Variants in PSEN1 observed in about 807,000 individuals in gnomAD.
The protein encoded by PSEN1 is presenilin 1, also known as presenilin-1.
PSEN1 carries 15 observed loss-of-function variants against 53.5 expected under a neutral mutation model. That is an observed-to-expected ratio of 0.28 (90% CI 0.19 to 0.43). The LOEUF (loss-of-function observed/expected upper bound fraction) is 0.43, where lower values mean the gene tolerates loss of function less well. Ranked by LOEUF, PSEN1 falls within the 20% of genes least tolerant of loss-of-function variation. The pLI is 1.00. For synonymous variants in PSEN1, 208 were observed against 209.8 expected (o/e 0.99, Z 0.08); for missense variants, 387 against 571.2 (o/e 0.68, Z 3.29).
intron 7 of PSEN1, 152 bp from the exon 8 acceptor site, chr14:73,197,879 T>A: frequency 1.2e-5 from 7 of 588,084 alleles, no homozygotes; most frequent in East Asian, 6.0e-5. Context: ...CCAGTTCACC[T>A]GCCATTTATT....
chr14:73,183,555 C>T (rs1369591236), intron 5 of PSEN1, among the ~76,000 whole-genome samples: 3 of 152,190 alleles, frequency 2.0e-5, no homozygotes, highest in African/African-American at 7.2e-5. Context: ...TTGCACCGCC[C>T]TTAATCCATT....
At chr14:73,214,044 A>T (rs146711194) in intron 10 of PSEN1, among the ~76,000 whole-genome samples, 7 of 152,340 alleles carry the variant, frequency 4.6e-5, no homozygotes, top group Admixed American at 3.9e-4. Context: ...GGTCATAGTA[A>T]TATTGTTCAT....
chr14:73,177,018 C>T (rs1898065951), intron 5 of PSEN1, among the ~76,000 whole-genome samples: 1 of 151,814 alleles, frequency 6.6e-6, no homozygotes, highest in Non-Finnish European at 1.5e-5. Context: ...CTAATTTTTT[C>T]TGGACCTTAT....
At position 73,139,874 on chromosome 14, in the gene PSEN1, A is replaced by G. The variant is rs188903613; in HGVS notation, c.-136+3291A>G. On this transcript the variant is annotated intron_variant, in intron 1 of 11. Transcript: ENST00000324501. ...TGAGAGTGAGGAAAAAGGTATTAGT[A>G]TTGGCTTTTCACAACGCCTTGTACG... Among the ~76,000 whole-genome samples, 17 of 152,360 alleles carry G rather than the reference A, an allele frequency of 1.1e-4. No homozygotes were observed. The East Asian group carries it at 3.1e-3, about 28-fold the overall frequency.
chr14:73,212,088 CTTTTTTTTTTTTTTTTTTTTTTT>C (rs398043836), intron 10 of PSEN1, 146 bp downstream of exon 10: 1,144 of 70,508 alleles, frequency 0.016, 18 homozygotes, highest in Admixed American at 0.09. Context: ...AGTAATAGTG[CTTTTTTTTTTTTTTTTTTTTTTT>C]TTTTTTTTTT....
chr14:73,212,283 G>C (rs1013785422), intron 10 of PSEN1, among the ~76,000 whole-genome samples: 5 of 151,170 alleles, frequency 3.3e-5, no homozygotes, highest in Non-Finnish European at 5.9e-5. Context: ...GATAATTTTT[G>C]TATTTTTAGT....
intron 5 of PSEN1, among the ~76,000 whole-genome samples, chr14:73,185,536 A>G (rs552354541): frequency 0.023 from 3,471 of 152,268 alleles, 137 homozygotes; most frequent in African/African-American, 0.076. Context: ...GTGAGCCGAG[A>G]TGGCAGCAGT....
intron 3 of PSEN1, among the ~76,000 whole-genome samples, chr14:73,155,299 C>T (rs140525811): frequency 1.3e-3 from 197 of 152,180 alleles, no homozygotes; most frequent in African/African-American, 4.2e-3. Context: ...TAACTGGCCT[C>T]GCTAAACTTC....
At chr14:73,193,738 C>T (rs1898822580) in intron 7 of PSEN1, among the ~76,000 whole-genome samples, 1 of 151,890 alleles carries the variant, frequency 6.6e-6, no homozygotes, top group South Asian at 2.1e-4. Flanking sequence ...CTCACTGCAA[C>T]CTTGAACTCC....
chr14:73,152,056 C>T (rs1299193160), intron 3 of PSEN1, among the ~76,000 whole-genome samples: 3 of 150,404 alleles, frequency 2.0e-5, no homozygotes, highest in South Asian at 2.1e-4. Context: ...GGACTACAGG[C>T]GCCCGCCACC....
chr14:73,217,229 C>T lies in PSEN1; in HGVS notation c.1233C>T (p.Phe411=), dbSNP rs146071629. ...SGDWNTTIAC[F]VAILIGLCLT... ...ACTGGAACACAACCATAGCCTGTTT[C>T]GTAGCCATATTAATTGTAAGTATAC... The change falls in exon 11 of 12, where the codon TTC becomes TTT. Residue 411 remains phenylalanine, a synonymous_variant. Coordinates refer to ENST00000324501, the MANE Select transcript of PSEN1 (RefSeq NM_000021.4). 56 of 1,613,958 alleles carry T rather than the reference C, an allele frequency of 3.5e-5. No individual in the cohort carries two copies. The African/African-American group carries it at 5.9e-4, about 17-fold the overall frequency.
intron 4 of PSEN1, among the ~76,000 whole-genome samples, chr14:73,171,427 GT>G (rs774380907): frequency 1.3e-5 from 2 of 152,238 alleles, no homozygotes; most frequent in East Asian, 1.9e-4. Flanking sequence ...TATATATAAA[GT>G]TTTGGTGCCG....
At chr14:73,154,698 A>C (rs543469755) in intron 3 of PSEN1, among the ~76,000 whole-genome samples, 1 of 152,364 alleles carries the variant, frequency 6.6e-6, no homozygotes, top group South Asian at 2.1e-4. Context: ...ATCCCAATAT[A>C]CATAGAATTC....
chr14:73,182,861 A>T (rs181991465), intron 5 of PSEN1, among the ~76,000 whole-genome samples: 12 of 152,298 alleles, frequency 7.9e-5, no homozygotes, highest in Admixed American at 5.9e-4. Context: ...AAATAAAATT[A>T]AAAAAAGAAA....
intron 3 of PSEN1, chr14:73,167,842 T>C (rs945590056): frequency 1.3e-5 from 2 of 151,636 alleles, no homozygotes; most frequent in Non-Finnish European, 2.9e-5. Flanking sequence ...TTTTTTTTTT[T>C]TTTTGCTTCG....
intron 1 of PSEN1, among the ~76,000 whole-genome samples, chr14:73,145,530 G>T (rs868494775): frequency 6.6e-6 from 1 of 150,854 alleles, no homozygotes; most frequent in Middle Eastern, 3.6e-3. Context: ...GTAGAAACAG[G>T]GTTTCACCAT....
At chr14:73,202,342 C>T (rs1455071938) in intron 8 of PSEN1, among the ~76,000 whole-genome samples, 2 of 141,962 alleles carry the variant, frequency 1.4e-5, no homozygotes, top group African/African-American at 2.6e-5. Context: ...TTTCAGTCTG[C>T]AGCAACATTA....
chr14:73,192,432 C>A (rs1241086428), intron 6 of PSEN1, among the ~76,000 whole-genome samples: 1 of 151,776 alleles, frequency 6.6e-6, no homozygotes, highest in Non-Finnish European at 1.5e-5. Context: ...CAAAATGAGA[C>A]CCTGGCTCAA....
At chr14:73,150,197 C>T (rs1206392690) in intron 3 of PSEN1, among the ~76,000 whole-genome samples, 1 of 152,002 alleles carries the variant, frequency 6.6e-6, no homozygotes, top group Non-Finnish European at 1.5e-5. Context: ...TTTTGATAAG[C>T]TTTTTTTGCT....
Sources: gnomAD v4.1 joint callset for allele counts (sites outside exome capture counted in the v4.1 genomes callset) on GRCh38, gnomAD v4.1.1 for gene constraint, MANE v1.5 for transcripts, NCBI Gene and HGNC (gene_info 2026-07-23, HGNC 2026-07-21) for gene names.